Variants in USP13 observed in about 807,000 individuals in gnomAD.
The protein encoded by USP13 is ubiquitin carboxyl-terminal hydrolase 13.
Under a neutral mutation model 107.8 loss-of-function variants are expected in USP13, and 68 were observed. The observed-to-expected ratio is 0.63, with a 90% CI of 0.52 to 0.77. The LOEUF (loss-of-function observed/expected upper bound fraction) is 0.77. Ranked by LOEUF, USP13 falls within the 30% of genes least tolerant of loss-of-function variation. The pLI is 0.00. For synonymous variants in USP13, 377 were observed against 389.5 expected, an observed-to-expected ratio of 0.97 and a Z score of 0.38; for missense variants, 945 against 1,093.3, an observed-to-expected ratio of 0.86 and a Z score of 1.91.
chr3:179,750,330 A>G (rs572642760), intron 13 of USP13, among the ~76,000 whole-genome samples: 7 of 134,696 alleles, frequency 5.2e-5, no homozygotes, highest in East Asian at 2.2e-4. Flanking sequence ...ATGTGTGTAT[A>G]TATATATATA....
Position 179,785,547 on chromosome 3 carries a change from T to A in USP13, c.*1406T>A, listed in dbSNP as rs188400981. The A allele has an allele frequency of 3.9e-5, 6 of 152,316 alleles. No individual in the cohort carries two copies. In the East Asian group the frequency reaches 1.2e-3, roughly 29 times the overall value. The allele number at this position is 152,316 out of a possible 1,614,324, so 9.4% of individuals were successfully genotyped here. Reference sequence around the variant, plus strand: ...GGAGTTGCTATTTCAGAGTATTTGGTCAAACGAAAAAGAATTTATTGCTGT... The same window carrying A: ...GGAGTTGCTATTTCAGAGTATTTGGACAAACGAAAAAGAATTTATTGCTGT... On this transcript the variant is annotated 3_prime_UTR_variant, in exon 21 of 21. Transcript: ENST00000263966.
chr3:179,743,432 G>A (rs1243013822), intron 12 of USP13, among the ~76,000 whole-genome samples: 4 of 151,406 alleles, frequency 2.6e-5, no homozygotes, highest in Non-Finnish European at 5.9e-5. Flanking sequence ...TCCCTGGATG[G>A]CCCTTTTTGC....
intron 13 of USP13, among the ~76,000 whole-genome samples, chr3:179,749,446 A>G (rs1394142977): frequency 6.6e-6 from 1 of 152,228 alleles, no homozygotes; most frequent in Non-Finnish European, 1.5e-5. Context: ...CCAGAAATTA[A>G]TTTTAGAAAT....
chr3:179,658,195 C>A (rs904792539), intron 1 of USP13, among the ~76,000 whole-genome samples: 6 of 152,136 alleles, frequency 3.9e-5, no homozygotes, highest in Non-Finnish European at 7.3e-5. Context: ...ACCTCGTGAT[C>A]CGCCCACCTT....
intron 6 of USP13, among the ~76,000 whole-genome samples, chr3:179,713,037 CTT>C (rs1241346098): frequency 2.0e-5 from 3 of 152,002 alleles, no homozygotes; most frequent in Non-Finnish European, 4.4e-5. Context: ...TTTAAGAACT[CTT>C]TGATTATTAA....
chr3:179,703,805 A>G (rs1444288118), intron 4 of USP13, among the ~76,000 whole-genome samples: 1 of 152,252 alleles, frequency 6.6e-6, no homozygotes, highest in Non-Finnish European at 1.5e-5. Context: ...GAGATACAGT[A>G]AAACAATTAG....
At chr3:179,777,443 C>CTTTTTTTTTTTTTTTTTTTTTTTTTT (rs11317182) in intron 19 of USP13, among the ~76,000 whole-genome samples, 1 of 113,696 alleles carries the variant, frequency 8.8e-6, no homozygotes, top group African/African-American at 3.4e-5. Context: ...CTCTCTCTCT[C>CTTTTTTTTTTTTTTTTTTTTTTTTTT]TTTTTTTTTT....
At chr3:179,695,574 G>T (rs1285825508) in intron 3 of USP13, among the ~76,000 whole-genome samples, 2 of 150,848 alleles carry the variant, frequency 1.3e-5, no homozygotes, top group Non-Finnish European at 1.5e-5. Flanking sequence ...ATTGGTAATT[G>T]AAAAATCATT....
At chr3:179,778,866 C>T (rs1189914733) in intron 19 of USP13, among the ~76,000 whole-genome samples, 5 of 151,594 alleles carry the variant, frequency 3.3e-5, no homozygotes, top group African/African-American at 4.9e-5. Flanking sequence ...GGAGTGAGGG[C>T]GGGTGTGGAA....
chr3:179,772,853 C>G (rs903582950), intron 19 of USP13, among the ~76,000 whole-genome samples: 1 of 152,062 alleles, frequency 6.6e-6, no homozygotes. Context: ...ATTCGTAGAC[C>G]CTTTACAATT....
Position 179,764,441 on chromosome 3 carries a change from G to C in USP13, c.2259+273G>C, listed in dbSNP as rs145405354. Among the ~76,000 whole-genome samples the C allele has an allele frequency of 1.2e-3, 187 of 152,250 alleles. 1 individual carries two copies. Among genetic ancestry groups the C allele is most frequent in the African/African-American group, 4.3e-3 (177 of 41,544 alleles). On this transcript the variant is annotated intron_variant, in intron 18 of 20. Coordinates refer to ENST00000263966, the MANE Select transcript of USP13 (RefSeq NM_003940.3). ...ATATCATCTTGAATGTTTGTTAACA[G>C]GGGGTCAGAAATTTGACTTGGAGGC...
At chr3:179,718,881 C>T (rs920522529) in intron 6 of USP13, among the ~76,000 whole-genome samples, 3 of 150,536 alleles carry the variant, frequency 2.0e-5, no homozygotes, top group Admixed American at 6.6e-5. Flanking sequence ...CTCAGCCTCC[C>T]GAGTAGCTGG....
chr3:179,655,569 T>TTG (rs1560036620), intron 1 of USP13, among the ~76,000 whole-genome samples: 4 of 148,182 alleles, frequency 2.7e-5, no homozygotes, highest in South Asian at 4.3e-4. Context: ...TTTGTTTTGT[T>TTG]TTTTTTTTGA....
At chr3:179,770,739 G>A (rs1715319330) in intron 19 of USP13, among the ~76,000 whole-genome samples, 1 of 152,024 alleles carries the variant, frequency 6.6e-6, no homozygotes, top group South Asian at 2.1e-4. Context: ...GGAGTAGCTA[G>A]GATTACAGGC....
chr3:179,683,762 T>C (rs7647116), intron 2 of USP13, among the ~76,000 whole-genome samples: 140,522 of 152,280 alleles, frequency 0.92, 64,911 homozygotes, highest in African/African-American at 0.96. Flanking sequence ...TATCACATTT[T>C]TTACAGTTGT....
At chr3:179,737,969 G>A (rs1418397110) in intron 10 of USP13, among the ~76,000 whole-genome samples, 1 of 152,212 alleles carries the variant, frequency 6.6e-6, no homozygotes, top group Admixed American at 6.5e-5. Flanking sequence ...TAGAACATGT[G>A]TGTTGGAGGG....
rs190310517 is a variant in USP13 at position 179,684,382 on chromosome 3, C to T, written c.294+2379C>T. Among the ~76,000 whole-genome samples the T allele has an allele frequency of 4.4e-3, 670 of 152,174 alleles. 19 individuals carry two copies. The highest frequency in any genetic ancestry group is 1.5e-3 in the Non-Finnish European group (101 of 68,014). On this transcript the variant is annotated intron_variant, in intron 2 of 20. Coordinates refer to ENST00000263966, the MANE Select transcript of USP13 (RefSeq NM_003940.3). ...CTGGAGTGCAGTGGCGCCACCACGGCTCATTGTAGCCTCAACCTCCTGGGC... is the reference window on the plus strand; with the variant it reads ...CTGGAGTGCAGTGGCGCCACCACGGTTCATTGTAGCCTCAACCTCCTGGGC...
chr3:179,669,152 G>T (rs1029807560), intron 1 of USP13, among the ~76,000 whole-genome samples: 1 of 152,136 alleles, frequency 6.6e-6, no homozygotes, highest in Non-Finnish European at 1.5e-5. Flanking sequence ...TCCTGGGCTA[G>T]TGCGCTCTAT....
At chr3:179,692,462 C>T (rs1427406783) in intron 3 of USP13, among the ~76,000 whole-genome samples, 1 of 152,176 alleles carries the variant, frequency 6.6e-6, no homozygotes, top group Admixed American at 6.5e-5. Context: ...GGCCAATCTT[C>T]CTTACTTCTC....
Sources: gnomAD v4.1 joint callset for allele counts (sites outside exome capture counted in the v4.1 genomes callset) on GRCh38, gnomAD v4.1.1 for gene constraint, MANE v1.5 for transcripts, NCBI Gene and HGNC (gene_info 2026-07-23, HGNC 2026-07-21) for gene names.